The following PRKG1 variants were observed in gnomAD, a reference collection of about 807,000 sequenced individuals.
PRKG1 encodes the protein protein kinase cGMP-dependent 1, also known as cGMP-dependent protein kinase 1.
In PRKG1, 35 loss-of-function variants were observed where a neutral mutation model predicts 88.1. The observed-to-expected ratio is 0.40, with a 90% CI of 0.30 to 0.53. The LOEUF is 0.53. Among genes scored for constraint, PRKG1 ranks in the 20% least tolerant of loss-of-function variants. The pLI is 0.59. For missense variants in PRKG1, 540 were observed against 839.8 expected (o/e 0.64, Z 4.41); for synonymous variants, 303 against 292.5 (o/e 1.04, Z -0.37).
intron 2 of PRKG1, among the ~76,000 whole-genome samples, chr10:51,307,704 T>G (rs537700475): frequency 6.6e-6 from 1 of 152,288 alleles, no homozygotes; most frequent in African/African-American, 2.4e-5. Flanking sequence ...TTGAAATAGC[T>G]CTGATGAACA....
chr10:51,364,612 TC>T (rs1842551744), intron 2 of PRKG1, among the ~76,000 whole-genome samples: 1 of 151,746 alleles, frequency 6.6e-6, no homozygotes, highest in South Asian at 2.1e-4. Context: ...AAACCTAAAT[TC>T]CCTTTATAAG....
intron 2 of PRKG1, among the ~76,000 whole-genome samples, chr10:51,311,797 G>A (rs1368272622): frequency 1.3e-5 from 2 of 152,186 alleles, no homozygotes; most frequent in African/African-American, 4.8e-5. Context: ...TTCCATCAGA[G>A]GTTCTTCTGA....
In PRKG1 at chr10:50,991,555, C is replaced by T; in HGVS notation, c.177C>T (p.Thr59=). The T allele has an allele frequency of 6.2e-7, 1 of 1,608,720 alleles. No homozygotes were observed. Among genetic ancestry groups the T allele is most frequent in the Non-Finnish European group, 8.5e-7 (1 of 1,178,172 alleles). Residue 59 remains threonine, a synonymous_variant, in exon 1 of 18, where the codon ACC becomes ACT. Transcript: ENST00000401604. The surrounding 1 kb of genome is among the most constrained non-coding windows in gnomAD (Gnocchi z 4.5). ...CGACCCACATCGGCCCCCGGACCACCCGGGCGCAGGGCATCTCGGCCGAGC... is the reference window on the plus strand; with the variant it reads ...CGACCCACATCGGCCCCCGGACCACTCGGGCGCAGGGCATCTCGGCCGAGC...
At chr10:51,515,471 C>T (rs538836053) in intron 3 of PRKG1, among the ~76,000 whole-genome samples, 2 of 152,234 alleles carry the variant, frequency 1.3e-5, no homozygotes, top group East Asian at 3.9e-4. Flanking sequence ...GAATGAGACA[C>T]GTGAAATCTT....
At chr10:51,174,614 G>A (rs1837141998) in intron 2 of PRKG1, among the ~76,000 whole-genome samples, 1 of 151,998 alleles carries the variant, frequency 6.6e-6, no homozygotes, top group African/African-American at 2.4e-5. Context: ...CTACCAATAT[G>A]ATGCCTGAAA....
At chr10:52,008,011 T>C (rs1903985) in intron 5 of PRKG1, among the ~76,000 whole-genome samples, 106,295 of 151,950 alleles carry the variant, frequency 0.7, 37,281 homozygotes, top group East Asian at 0.92. Context: ...AATTAAACAA[T>C]CTGCTCCTGT....
intron 3 of PRKG1, among the ~76,000 whole-genome samples, chr10:51,794,848 C>T (rs529087970): frequency 1.3e-5 from 2 of 152,026 alleles, no homozygotes; most frequent in African/African-American, 4.8e-5. Flanking sequence ...CAGATGGAAA[C>T]TAACTCTTTT....
At chr10:51,692,844 TA>T (rs1841179708) in intron 3 of PRKG1, among the ~76,000 whole-genome samples, 2 of 152,240 alleles carry the variant, frequency 1.3e-5, no homozygotes, top group African/African-American at 4.8e-5. Flanking sequence ...ATATTATACA[TA>T]CTCAATCATA....
intron 5 of PRKG1, among the ~76,000 whole-genome samples, chr10:51,948,505 A>G (rs757501571): frequency 4.5e-4 from 66 of 148,140 alleles, no homozygotes; most frequent in Non-Finnish European, 7.5e-4. Context: ...GTATTATTTC[A>G]TGAAACTTGT....
intron 2 of PRKG1, among the ~76,000 whole-genome samples, chr10:51,318,760 A>G (rs1841383775): frequency 6.6e-6 from 1 of 152,226 alleles, no homozygotes; most frequent in African/African-American, 2.4e-5. Context: ...AAATAAGCTG[A>G]AATTCTTGAG....
chr10:51,716,190 G>A (rs965968205), intron 3 of PRKG1, among the ~76,000 whole-genome samples: 1 of 152,198 alleles, frequency 6.6e-6, no homozygotes, highest in African/African-American at 2.4e-5. Flanking sequence ...CTTGTGGGGA[G>A]TGGGAGAGAA....
intron 3 of PRKG1, among the ~76,000 whole-genome samples, chr10:51,518,664 A>T (rs555823397): frequency 6.6e-6 from 1 of 152,346 alleles, no homozygotes; most frequent in Non-Finnish European, 1.5e-5. Context: ...CAATGAGCTT[A>T]AAATGCAGAA....
At chr10:52,070,425 T>C (rs1846467330) in intron 7 of PRKG1, among the ~76,000 whole-genome samples, 1 of 152,254 alleles carries the variant, frequency 6.6e-6, no homozygotes, top group African/African-American at 2.4e-5. Context: ...TTTCTGTCTT[T>C]GACATTATGC....
intron 2 of PRKG1, among the ~76,000 whole-genome samples, chr10:51,329,233 A>AT (rs1294290012): frequency 1.3e-5 from 2 of 151,974 alleles, no homozygotes; most frequent in African/African-American, 4.8e-5. Flanking sequence ...TTTTTAGTTT[A>AT]TTTTTGTATA....
intron 2 of PRKG1, among the ~76,000 whole-genome samples, chr10:51,201,491 A>G (rs1675910471): frequency 6.6e-6 from 1 of 152,192 alleles, no homozygotes; most frequent in Non-Finnish European, 1.5e-5. Context: ...AAAATGTAAT[A>G]TATCAAAGCC....
chr10:51,537,431 A>G (rs947174409), intron 3 of PRKG1, among the ~76,000 whole-genome samples: 13 of 152,068 alleles, frequency 8.5e-5, no homozygotes, highest in Non-Finnish European at 1.6e-4. Context: ...TCCTGGTTGT[A>G]TATTTAAATT....
At chr10:52,113,344 A>G (rs943131497) in intron 7 of PRKG1, among the ~76,000 whole-genome samples, 1 of 152,134 alleles carries the variant, frequency 6.6e-6, no homozygotes, top group Non-Finnish European at 1.5e-5. Flanking sequence ...CTTCTTACAT[A>G]TTTTAGACAC....
intron 4 of PRKG1, among the ~76,000 whole-genome samples, chr10:51,825,914 A>C (rs1428868003): frequency 6.6e-6 from 1 of 152,150 alleles, no homozygotes; most frequent in African/African-American, 2.4e-5. Flanking sequence ...ATGATTTCTC[A>C]GCAGTTGATG....
intron 3 of PRKG1, among the ~76,000 whole-genome samples, chr10:51,801,090 C>A (rs942088292): frequency 6.6e-6 from 1 of 152,114 alleles, no homozygotes; most frequent in Admixed American, 6.6e-5. Flanking sequence ...CAGAAGCTTA[C>A]CCCATGGTAG....
Sources: allele counts gnomAD v4.1 joint callset (sites outside exome capture counted in the v4.1 genomes callset), GRCh38; gene constraint gnomAD v4.1.1; non-coding constraint Gnocchi (gnomAD v3.1); transcripts MANE v1.5; gene names NCBI Gene and HGNC (gene_info 2026-07-23, HGNC 2026-07-21).